The following KIFAP3 variants were observed in gnomAD, a reference collection of about 807,000 sequenced individuals.
KIFAP3 encodes the protein kinesin associated protein 3, also known as kinesin-associated protein 3.
In KIFAP3, 68 loss-of-function variants were observed where a neutral mutation model predicts 106.5. The ratio of observed to expected loss-of-function variants is 0.64; its 90% CI spans 0.53 to 0.78. The LOEUF (loss-of-function observed/expected upper bound fraction) is 0.78. Ranked by LOEUF, KIFAP3 falls within the 30% of genes least tolerant of loss-of-function variation. KIFAP3 has a pLI of 0.00. For synonymous variants in KIFAP3, 320 were observed against 311.5 expected (o/e 1.03, Z -0.29); for missense variants, 780 against 941.8 (o/e 0.83, Z 2.25).
chr1:170,059,727 A>G (rs1671036286), intron 1 of KIFAP3, among the ~76,000 whole-genome samples: 1 of 152,248 alleles, frequency 6.6e-6, no homozygotes, highest in Admixed American at 6.5e-5. Context: ...AAAGAATTTT[A>G]AACCAATATC....
At chr1:170,021,954 T>TA (rs1412206301) in intron 9 of KIFAP3, among the ~76,000 whole-genome samples, 2 of 131,408 alleles carry the variant, frequency 1.5e-5, no homozygotes, top group African/African-American at 5.8e-5. Flanking sequence ...TTTTTTTTTT[T>TA]TTTTTTTTTT....
intron 17 of KIFAP3, among the ~76,000 whole-genome samples, chr1:169,971,544 C>G (rs112758324): frequency 1.3e-5 from 2 of 151,660 alleles, no homozygotes; most frequent in African/African-American, 4.8e-5. Context: ...TAGTCAAATC[C>G]AAAAAACAGA....
intron 19 of KIFAP3, among the ~76,000 whole-genome samples, chr1:169,935,091 AAATAC>A (rs1223325685): frequency 6.6e-6 from 1 of 152,092 alleles, no homozygotes; most frequent in Non-Finnish European, 1.5e-5. Flanking sequence ...TGCTTTTTAA[AAATAC>A]TTATTAATGC....
chr1:170,057,088 C>T (rs147861862), intron 1 of KIFAP3, among the ~76,000 whole-genome samples: 121 of 152,170 alleles, frequency 8.0e-4, no homozygotes, highest in African/African-American at 2.7e-3. Flanking sequence ...TTACATAAGG[C>T]AAACTAGTTA....
At chr1:170,025,163 T>C (rs965266118) in intron 8 of KIFAP3, among the ~76,000 whole-genome samples, 2 of 152,158 alleles carry the variant, frequency 1.3e-5, no homozygotes, top group Admixed American at 1.3e-4. Flanking sequence ...AGTAATACAA[T>C]TATTGCACTA....
chr1:170,007,889 C>T (rs1161596580), intron 10 of KIFAP3, among the ~76,000 whole-genome samples: 1 of 152,116 alleles, frequency 6.6e-6, no homozygotes, highest in Admixed American at 6.5e-5. Flanking sequence ...CTACAGTAAC[C>T]AAAACAGCAT....
At chr1:170,035,575 C>T (rs565388618) in intron 5 of KIFAP3, 22 bp from the exon 6 acceptor site, 59 of 1,461,012 alleles carry the variant, frequency 4.0e-5, no homozygotes, top group Non-Finnish European at 5.4e-5. Flanking sequence ...GGAGAGGTAC[C>T]GAAACGATCA....
At chr1:169,991,163 G>A (rs774564499) in intron 11 of KIFAP3, among the ~76,000 whole-genome samples, 2 of 152,056 alleles carry the variant, frequency 1.3e-5, no homozygotes, top group Non-Finnish European at 2.9e-5. Context: ...AAGAAAGCCA[G>A]ACCCTGTCTG....
chr1:169,921,539 G>T lies in KIFAP3; in HGVS notation c.*137C>A. 1 of 641,258 alleles carries T rather than the reference G, an allele frequency of 1.6e-6. No individual in the cohort carries two copies. 39.7% of individuals were successfully genotyped at this position (641,258 alleles called of 1,614,324 possible). Reference sequence around the variant, plus strand: ...ACAGAGGGGCTGGGGTTAATCTGCAGCTAACAACATATAAAAATAAAAACA... The same window carrying T: ...ACAGAGGGGCTGGGGTTAATCTGCATCTAACAACATATAAAAATAAAAACA... On this transcript the variant is annotated 3_prime_UTR_variant, in exon 20 of 20. Transcript: ENST00000361580.
intron 18 of KIFAP3, among the ~76,000 whole-genome samples, chr1:169,959,597 G>C (rs372613330): frequency 6.6e-6 from 1 of 152,052 alleles, no homozygotes; most frequent in East Asian, 1.9e-4. Context: ...TTGGAAATGT[G>C]GTATAACTGT....
chr1:170,062,345 T>A (rs1671220829), intron 1 of KIFAP3, among the ~76,000 whole-genome samples: 2 of 152,014 alleles, frequency 1.3e-5, no homozygotes, highest in South Asian at 2.1e-4. Flanking sequence ...TTAACACTGC[T>A]TTTCATTGTT....
intron 6 of KIFAP3, among the ~76,000 whole-genome samples, chr1:170,034,937 ATATT>A (rs915610211): frequency 1.3e-5 from 2 of 151,986 alleles, no homozygotes; most frequent in African/African-American, 4.8e-5. Context: ...TATTCAATAA[ATATT>A]TATTTGCTAA....
Position 170,055,293 on chromosome 1 carries a change from T to TA in KIFAP3, c.164+11dup. Reference sequence around the variant, plus strand: ...TCACTACTTTCAAAATGTGCACAAATAAAGAACTTACATTTTTTGACATTC... The same window carrying TA: ...TCACTACTTTCAAAATGTGCACAAATAAAAGAACTTACATTTTTTGACATTC... On this transcript the variant is annotated intron_variant, in intron 2 of 19. Coordinates refer to ENST00000361580, the MANE Select transcript of KIFAP3 (RefSeq NM_014970.4). 6.3e-7 allele frequency: 1 copy of TA among 1,592,280 alleles called. No individual in the cohort carries two copies. Among genetic ancestry groups the TA allele is most frequent in the Non-Finnish European group, 8.5e-7 (1 of 1,173,538 alleles).
intron 3 of KIFAP3, among the ~76,000 whole-genome samples, chr1:170,041,178 G>T (rs1219337729): frequency 6.6e-6 from 1 of 151,990 alleles, no homozygotes. Flanking sequence ...AATATATTTT[G>T]ATCATCTATG....
intron 5 of KIFAP3, among the ~76,000 whole-genome samples, chr1:170,036,193 C>G (rs553055815): frequency 6.6e-6 from 1 of 151,976 alleles, no homozygotes; most frequent in South Asian, 2.1e-4. Context: ...AAAGTAATGA[C>G]ACTAGTTTCA....
Position 169,982,844 on chromosome 1 carries a change from G to C in KIFAP3, c.1530C>G (p.Ala510=). ...LFIDYVGDLA[A]QISNDEEEEF... is the part of the protein sequence containing the mutation. ...CCTCTTCTTCATCATTAGAGATCTG[G>C]GCTGCAAGGTCCCCAACATAATCCT... Residue 510 remains alanine (A), a synonymous_variant, in exon 14 of 20, where the codon GCC becomes GCG. Transcript: ENST00000361580. The C allele has an allele frequency of 1.3e-6, 2 of 1,593,698 alleles. No homozygotes were observed. The highest frequency in any genetic ancestry group is 1.7e-6 in the Non-Finnish European group (2 of 1,168,052).
intron 19 of KIFAP3, among the ~76,000 whole-genome samples, chr1:169,929,501 A>G (rs903931951): frequency 3.1e-4 from 47 of 152,102 alleles, no homozygotes; most frequent in African/African-American, 1.1e-3. Context: ...ATAAATATAT[A>G]TTTTAAGTTG....
At chr1:170,056,704 A>C (rs1337521592) in intron 1 of KIFAP3, among the ~76,000 whole-genome samples, 1 of 152,198 alleles carries the variant, frequency 6.6e-6, no homozygotes, top group Non-Finnish European at 1.5e-5. Context: ...GGATCTGTCC[A>C]CCAGAATTCC....
In KIFAP3 at chr1:169,954,127, A is replaced by G; in HGVS notation, c.2174-17T>C. ...TTAATCCATCTAGAAAGAAAAAAAA[A>G]TGGTAACCAGTAAAACATATGTGTA... On this transcript the variant is annotated splice_polypyrimidine_tract_variant and intron_variant, in intron 18 of 19. Transcript: ENST00000361580. 1 of 1,495,620 alleles carries G rather than the reference A, an allele frequency of 6.7e-7. No homozygotes were observed. Among genetic ancestry groups the G allele is most frequent in the Non-Finnish European group, 9.3e-7 (1 of 1,073,458 alleles). 92.6% of individuals were successfully genotyped at this position (1,495,620 alleles called of 1,614,324 possible). A position where few individuals can be genotyped will look rare whatever the true frequency, so the allele number is the denominator to read the frequency against.
Sources: gnomAD v4.1 joint callset for allele counts (sites outside exome capture counted in the v4.1 genomes callset) on GRCh38, gnomAD v4.1.1 for gene constraint, MANE v1.5 for transcripts, NCBI Gene and HGNC (gene_info 2026-07-23, HGNC 2026-07-21) for gene names.